Variants in BMPER observed in about 807,000 individuals in gnomAD.
BMPER encodes the protein BMP-binding endothelial regulator protein.
A neutral mutation model predicts 87.3 loss-of-function variants in BMPER; 45 were observed. That is an observed-to-expected ratio of 0.52 (90% CI 0.41 to 0.66). The LOEUF is 0.66. Among genes scored for constraint, BMPER ranks in the 30% least tolerant of loss-of-function variants. BMPER has a pLI of 0.00. For synonymous variants in BMPER, 326 were observed against 316.2 expected (o/e 1.03, Z -0.33); for missense variants, 784 against 867.5 (o/e 0.90, Z 1.21).
intron 6 of BMPER, among the ~76,000 whole-genome samples, chr7:33,980,251 A>G (rs1322327447): frequency 6.6e-6 from 1 of 152,248 alleles, no homozygotes; most frequent in Admixed American, 6.5e-5. Flanking sequence ...GGGGAGTGAC[A>G]GCTTGAGTCC....
chr7:33,934,571 T>A (rs370695996), intron 2 of BMPER, among the ~76,000 whole-genome samples: 1 of 151,730 alleles, frequency 6.6e-6, no homozygotes, highest in East Asian at 1.9e-4. Context: ...CTGGTTGGAA[T>A]AACTTTTGTG....
At chr7:33,905,822 C>G in intron 1 of BMPER, 76 bp downstream of exon 1, 1 of 695,636 alleles carries the variant, frequency 1.4e-6, no homozygotes, top group Non-Finnish European at 2.3e-6. Flanking sequence ...CTGGCTTGCC[C>G]CGGGGATGGG....
chr7:33,937,501 G>A, intron 3 of BMPER, 113 bp downstream of exon 3: 3 of 990,354 alleles, frequency 3.0e-6, no homozygotes, highest in Non-Finnish European at 4.7e-6. Flanking sequence ...CATGGGTGGG[G>A]AGGAGAAGTA....
chr7:33,940,012 C>A lies in BMPER; in HGVS notation c.319+2624C>A, dbSNP rs1009405341. On this transcript the variant is annotated intron_variant, in intron 3 of 14. Transcript: ENST00000649409. ...TTCACTCTTAAATACTGGAGACTCCCAGTATTTTGGTGAGTTTTTTTTTTA... is the reference window on the plus strand; with the variant it reads ...TTCACTCTTAAATACTGGAGACTCCAAGTATTTTGGTGAGTTTTTTTTTTA... The A allele has an allele frequency of 1.9e-5, 5 of 261,218 alleles. No homozygotes were observed. The Admixed American group carries it at 2.0e-4, about 11-fold the overall frequency. 16.2% of individuals were successfully genotyped at this position (261,218 alleles called of 1,614,324 possible). A position where few individuals can be genotyped will look rare whatever the true frequency, so the allele number is the denominator to read the frequency against.
chr7:34,100,268 A>G (rs1459931870), intron 13 of BMPER, among the ~76,000 whole-genome samples: 1 of 152,212 alleles, frequency 6.6e-6, no homozygotes, highest in Non-Finnish European at 1.5e-5. Context: ...AAGGAAAACA[A>G]TTTGTTGTGT....
At chr7:34,111,176 G>A (rs890290926) in intron 13 of BMPER, among the ~76,000 whole-genome samples, 3 of 152,196 alleles carry the variant, frequency 2.0e-5, no homozygotes, top group Non-Finnish European at 4.4e-5. Flanking sequence ...TTTCGTAAGC[G>A]TTTATGGAAT....
At chr7:33,966,413 C>T (rs1453041149) in intron 3 of BMPER, 66 bp from the exon 4 acceptor site, 19 of 1,393,132 alleles carry the variant, frequency 1.4e-5, no homozygotes, top group African/African-American at 9.9e-5. Context: ...TTATTTTGCT[C>T]CAAAAGGTAA....
chr7:34,077,505 T>C (rs1245760930), intron 11 of BMPER, among the ~76,000 whole-genome samples: 1 of 152,236 alleles, frequency 6.6e-6, no homozygotes, highest in African/African-American at 2.4e-5. Flanking sequence ...CTTTCAAGTA[T>C]TTGTTCATTG....
intron 6 of BMPER, among the ~76,000 whole-genome samples, chr7:34,013,915 C>G (rs966102258): frequency 1.3e-5 from 2 of 152,050 alleles, no homozygotes; most frequent in Non-Finnish European, 2.9e-5. Context: ...AAAATCTAAT[C>G]ATGTCCTTCT....
intron 2 of BMPER, among the ~76,000 whole-genome samples, chr7:33,931,573 G>T (rs1784482533): frequency 6.6e-6 from 1 of 152,218 alleles, no homozygotes; most frequent in Non-Finnish European, 1.5e-5. Flanking sequence ...GTGCTAAAAA[G>T]TTCTCTTGGG....
chr7:34,095,007 A>G (rs1214037878), intron 13 of BMPER, among the ~76,000 whole-genome samples: 2 of 152,240 alleles, frequency 1.3e-5, no homozygotes, highest in Non-Finnish European at 2.9e-5. Context: ...GCAGAAATTG[A>G]TACTGTTTCC....
chr7:33,910,473 C>T (rs1431400506), intron 2 of BMPER, among the ~76,000 whole-genome samples: 1 of 152,198 alleles, frequency 6.6e-6, no homozygotes, highest in Non-Finnish European at 1.5e-5. Flanking sequence ...CCTTTTCCAC[C>T]TAACTGTAGA....
At chr7:34,056,529 A>G (rs1027405746) in intron 9 of BMPER, among the ~76,000 whole-genome samples, 1 of 152,002 alleles carries the variant, frequency 6.6e-6, no homozygotes, top group African/African-American at 2.4e-5. Flanking sequence ...TGTCCTCTTG[A>G]TATAAAGTCG....
Position 33,991,456 on chromosome 7 carries a change from G to T in BMPER, c.576+16672G>T, listed in dbSNP as rs573120065. 2.0e-4 allele frequency among the ~76,000 whole-genome samples: 31 copies of T among 152,070 alleles called. 1 individual carries two copies. In the South Asian group the frequency reaches 6.2e-3, roughly 31 times the overall value. On this transcript the variant is annotated intron_variant, in intron 6 of 14. Transcript: ENST00000649409. ...TAGTTTGTATTTCTGTGGGATCGGT[G>T]GTGATATCCCCTGTATCATTTTTTA...
At chr7:33,917,358 AG>A (rs1359442965) in intron 2 of BMPER, among the ~76,000 whole-genome samples, 3 of 152,126 alleles carry the variant, frequency 2.0e-5, no homozygotes, top group Admixed American at 6.5e-5. Flanking sequence ...TTAAGGACAA[AG>A]GCCTTATTGT....
At chr7:34,126,085 G>C (rs777937534) in intron 13 of BMPER, among the ~76,000 whole-genome samples, 8 of 152,188 alleles carry the variant, frequency 5.3e-5, no homozygotes, top group Non-Finnish European at 1.0e-4. Flanking sequence ...TTTCTGACTT[G>C]AGAGAAGGTG....
rs570576695 is a variant in BMPER, at chr7:34,034,100, G to A, written c.577-12206G>A. Among the ~76,000 whole-genome samples the A allele has an allele frequency of 2.0e-5, 3 of 152,200 alleles. No individual in the cohort carries two copies. In the South Asian group the frequency reaches 6.2e-4, roughly 32 times the overall value. On this transcript the variant is annotated intron_variant, in intron 6 of 14. Coordinates refer to ENST00000649409, the MANE Select transcript of BMPER (RefSeq NM_001365308.1). The stretch of plus-strand genomic sequence containing the variant: ...CCCATGATCATAAGCTTTCCATCCA[G>A]CCATGGCCTCACTGAGGTGCTACTC...
At chr7:33,918,526 T>C (rs1784139048) in intron 2 of BMPER, among the ~76,000 whole-genome samples, 1 of 152,196 alleles carries the variant, frequency 6.6e-6, no homozygotes, top group Non-Finnish European at 1.5e-5. Context: ...GCTTTGTGGA[T>C]TTATGGTGTA....
At chr7:34,142,722 G>A (rs889233598) in intron 13 of BMPER, among the ~76,000 whole-genome samples, 1 of 152,170 alleles carries the variant, frequency 6.6e-6, no homozygotes, top group African/African-American at 2.4e-5. Context: ...AAAGCCATGG[G>A]ATTTTGTGTT....
Sources: gnomAD v4.1 joint callset for allele counts (sites outside exome capture counted in the v4.1 genomes callset) on GRCh38, gnomAD v4.1.1 for gene constraint, MANE v1.5 for transcripts, NCBI Gene and HGNC (gene_info 2026-07-23, HGNC 2026-07-21) for gene names.